The following HINT3 variants were observed in gnomAD, a reference collection of about 807,000 sequenced individuals.
HINT3 encodes the protein histidine triad nucleotide binding protein 3, also known as adenosine 5'-monophosphoramidase HINT3.
HINT3 carries 16 observed loss-of-function variants against 19.1 expected under a neutral mutation model. The observed-to-expected ratio is 0.84, with a 90% CI of 0.57 to 1.27. The LOEUF (loss-of-function observed/expected upper bound fraction) is 1.27, where lower values mean the gene tolerates loss of function less well. HINT3 is among the 50% of genes most tolerant of loss of function. The pLI is 0.00. For synonymous variants in HINT3, 75 were observed against 84.8 expected, an observed-to-expected ratio of 0.88 and a Z score of 0.63; for missense variants, 197 against 225.8, an observed-to-expected ratio of 0.87 and a Z score of 0.82.
intron 1 of HINT3, among the ~76,000 whole-genome samples, chr6:125,965,488 A>G (rs1789004584): frequency 6.6e-6 from 1 of 152,170 alleles, no homozygotes; most frequent in African/African-American, 2.4e-5. Context: ...AGCTGGAAGT[A>G]TTAAAGAAAT....
chr6:125,967,082 A>G (rs1470759594), intron 2 of HINT3, 78 bp downstream of exon 2: 3 of 909,346 alleles, frequency 3.3e-6, no homozygotes, highest in East Asian at 2.5e-5. Context: ...TTAAAAAGAA[A>G]AAGTCTAGTT....
chr6:125,957,144 G>T lies in HINT3; in HGVS notation c.167G>T (p.Arg56Leu). Residue 56 changes from arginine to leucine, a missense_variant, in exon 1 of 5, where the codon CGG (arginine) becomes CTG (leucine). Transcript: ENST00000229633. ...TGCGTGTTCTGCCGGATCGCGGGGC[G>T]GCAGGACCCGGGCACCGAACTCCTG... ...STCVFCRIAG[R>L]QDPGTELLHC... The T allele has an allele frequency of 6.5e-7, 1 of 1,550,054 alleles. No individual in the cohort carries two copies. Among genetic ancestry groups the T allele is most frequent in the Non-Finnish European group, 8.7e-7 (1 of 1,146,574 alleles).
At chr6:125,963,409 T>G (rs992182463) in intron 1 of HINT3, among the ~76,000 whole-genome samples, 1 of 152,232 alleles carries the variant, frequency 6.6e-6, no homozygotes, top group African/African-American at 2.4e-5. Context: ...TCTGGGATTT[T>G]TAGCTTTTTT....
chr6:125,974,430 G>C (rs187523726), intron 3 of HINT3, among the ~76,000 whole-genome samples: 3 of 152,296 alleles, frequency 2.0e-5, no homozygotes, highest in Non-Finnish European at 2.9e-5. Flanking sequence ...AAAGGAAAAA[G>C]TGTGCCATCT....
At chr6:125,957,432 T>G (rs753993265) in intron 1 of HINT3, among the ~76,000 whole-genome samples, 1 of 152,226 alleles carries the variant, frequency 6.6e-6, no homozygotes, top group Non-Finnish European at 1.5e-5. Flanking sequence ...CAGCGGTATC[T>G]TTGCTGTTCC....
At chr6:125,969,733 TTG>T (rs1160040768) in intron 2 of HINT3, among the ~76,000 whole-genome samples, 1 of 152,104 alleles carries the variant, frequency 6.6e-6, no homozygotes, top group Non-Finnish European at 1.5e-5. Context: ...CTACGTATTT[TTG>T]TGTGTGTGTG....
chr6:125,977,503 GT>G (rs1562216152), intron 4 of HINT3, 140 bp from the exon 5 acceptor site: 12 of 414,420 alleles, frequency 2.9e-5, no homozygotes, highest in Non-Finnish European at 5.3e-5. Context: ...ATTATACTGA[GT>G]TTTTTTGTAA....
rs1789026690 is a variant in HINT3, at chr6:125,966,933, AT to A, written c.249del (p.His84IlefsTer16). ...AAAGATATCAAACCAGCAGCAACTC[AT>A]CATTATCTTGTGGTGCCAAAGAAGC... ...CFKDIKPAAT[H>X]HYLVVPKKHI... On this transcript the variant is annotated frameshift_variant, in exon 2 of 5. Coordinates refer to ENST00000229633, the MANE Select transcript of HINT3 (RefSeq NM_138571.5). LOFTEE classifies it high-confidence loss of function. The A allele has an allele frequency of 6.2e-7, 1 of 1,612,630 alleles. No homozygotes were observed. The highest frequency in any genetic ancestry group is 8.5e-7 in the Non-Finnish European group (1 of 1,179,054).
At position 125,978,661 on chromosome 6, in the gene HINT3, G is replaced by A. The variant is rs1254474656; in HGVS notation, c.*985G>A. 1 of 152,180 alleles carries A rather than the reference G, an allele frequency of 6.6e-6. No individual in the cohort carries two copies. The highest frequency in any genetic ancestry group is 1.5e-5 in the Non-Finnish European group (1 of 68,022). 9.4% of individuals were successfully genotyped at this position (152,180 alleles called of 1,614,324 possible). On this transcript the variant is annotated 3_prime_UTR_variant, in exon 5 of 5. Transcript: ENST00000229633. ...AGGTGCTGCAAGTTAATCCTACATT[G>A]TGCCAGTGTATATTAGTACCATGTA... is the stretch of plus-strand genomic sequence containing the variant.
At chr6:125,960,059 G>C (rs757158643) in intron 1 of HINT3, among the ~76,000 whole-genome samples, 3 of 152,200 alleles carry the variant, frequency 2.0e-5, no homozygotes, top group Non-Finnish European at 4.4e-5. Flanking sequence ...GGTGACATTT[G>C]GGTTAAGCCT....
intron 1 of HINT3, among the ~76,000 whole-genome samples, chr6:125,961,843 G>A (rs986716808): frequency 6.6e-6 from 1 of 152,040 alleles, no homozygotes; most frequent in East Asian, 1.9e-4. Flanking sequence ...CTAGTAGACT[G>A]AGTGGGGAAA....
At chr6:125,962,213 C>T (rs372486517) in intron 1 of HINT3, among the ~76,000 whole-genome samples, 9,687 of 36,242 alleles carry the variant, frequency 0.27, 1,564 homozygotes, top group Middle Eastern at 0.36. Context: ...TATATATACA[C>T]ATATATATAT....
chr6:125,968,901 G>A (rs1015704430), intron 2 of HINT3, among the ~76,000 whole-genome samples: 7 of 151,972 alleles, frequency 4.6e-5, no homozygotes, highest in African/African-American at 1.7e-4. Context: ...TTACAGATCC[G>A]GGATATTGCA....
intron 2 of HINT3, among the ~76,000 whole-genome samples, chr6:125,969,138 G>A (rs1789061644): frequency 6.6e-6 from 1 of 152,116 alleles, no homozygotes; most frequent in Non-Finnish European, 1.5e-5. Flanking sequence ...ATAGTTTGAG[G>A]TCCTACATTT....
intron 1 of HINT3, among the ~76,000 whole-genome samples, chr6:125,960,455 G>C (rs1788903226): frequency 1.3e-5 from 2 of 152,068 alleles, no homozygotes; most frequent in Admixed American, 1.3e-4. Flanking sequence ...TCAGGAGTTC[G>C]AGACCAGCCT....
intron 2 of HINT3, among the ~76,000 whole-genome samples, chr6:125,967,581 C>G (rs1204937406): frequency 6.6e-6 from 1 of 152,132 alleles, no homozygotes. Context: ...ATCCACCCAC[C>G]TAGGCCTCCC....
At chr6:125,974,726 G>T (rs1484243139) in intron 3 of HINT3, 121 bp from the exon 4 acceptor site, 11 of 893,640 alleles carry the variant, frequency 1.2e-5, no homozygotes, top group African/African-American at 3.3e-5. Flanking sequence ...AATGAGATTT[G>T]TGACAGTCTA....
intron 1 of HINT3, among the ~76,000 whole-genome samples, chr6:125,962,278 A>G (rs1788951290): frequency 2.6e-5 from 1 of 38,302 alleles, no homozygotes; most frequent in Non-Finnish European, 3.9e-5. Context: ...ATACATACAT[A>G]TATATATACA....
chr6:125,969,110 G>A (rs147917418), intron 2 of HINT3, among the ~76,000 whole-genome samples: 14 of 152,066 alleles, frequency 9.2e-5, no homozygotes, highest in African/African-American at 3.1e-4. Context: ...GTTTCCTAGG[G>A]TTTCCTCTAG....
Sources: gnomAD v4.1 joint callset for allele counts (sites outside exome capture counted in the v4.1 genomes callset) on GRCh38, gnomAD v4.1.1 for gene constraint, MANE v1.5 for transcripts, NCBI Gene and HGNC (gene_info 2026-07-23, HGNC 2026-07-21) for gene names.